The following CCDC85A variants were observed in gnomAD, a reference collection of about 807,000 sequenced individuals.
CCDC85A encodes coiled-coil domain containing 85A, also known as coiled-coil domain-containing protein 85A.
A neutral mutation model predicts 50.2 loss-of-function variants in CCDC85A; 38 were observed. That is an observed-to-expected ratio of 0.76 (90% CI 0.58 to 0.99). The LOEUF (loss-of-function observed/expected upper bound fraction) is 0.99. Ranked by LOEUF, CCDC85A falls within the 50% of genes least tolerant of loss-of-function variation. The pLI, the probability that CCDC85A is intolerant of heterozygous loss-of-function variation, is 0.00. For missense variants in CCDC85A, 820 were observed against 742.0 expected, an observed-to-expected ratio of 1.11 and a Z score of -1.22; for synonymous variants, 366 against 301.4, an observed-to-expected ratio of 1.21 and a Z score of -2.22.
At chr2:56,247,335 A>T (rs74427076) in intron 2 of CCDC85A, among the ~76,000 whole-genome samples, 3,975 of 152,290 alleles carry the variant, frequency 0.026, 65 homozygotes, top group Non-Finnish European at 0.038. Flanking sequence ...ACTTATCTAG[A>T]TTGCAGACAT....
At chr2:56,252,555 T>C (rs1209527847) in intron 2 of CCDC85A, among the ~76,000 whole-genome samples, 1 of 152,138 alleles carries the variant, frequency 6.6e-6, no homozygotes, top group Non-Finnish European at 1.5e-5. Context: ...TTTTTAGGTT[T>C]ATTATACTTT....
At chr2:56,242,842 C>G (rs999402137) in intron 2 of CCDC85A, among the ~76,000 whole-genome samples, 6 of 151,990 alleles carry the variant, frequency 3.9e-5, no homozygotes, top group Non-Finnish European at 8.8e-5. Context: ...TTTTGCCAGT[C>G]CAGTGGCCTG....
At chr2:56,229,800 A>G (rs77100434) in intron 2 of CCDC85A, among the ~76,000 whole-genome samples, 15,709 of 152,220 alleles carry the variant, frequency 0.1, 943 homozygotes, top group South Asian at 0.14. Flanking sequence ...CAAATTAGTC[A>G]GAAAGAGCCT....
At chr2:56,280,683 G>T (rs1260313267) in intron 2 of CCDC85A, among the ~76,000 whole-genome samples, 2 of 152,166 alleles carry the variant, frequency 1.3e-5, no homozygotes, top group African/African-American at 4.8e-5. Flanking sequence ...TTGTTATTTA[G>T]TGTTAGAGAG....
chr2:56,259,324 A>G (rs1573118091), intron 2 of CCDC85A, among the ~76,000 whole-genome samples: 1 of 152,260 alleles, frequency 6.6e-6, no homozygotes, highest in South Asian at 2.1e-4. Context: ...TCAGATGGCA[A>G]AGAGCAGAGG....
At chr2:56,378,370 T>A (rs1244691537) in intron 5 of CCDC85A, among the ~76,000 whole-genome samples, 1 of 152,214 alleles carries the variant, frequency 6.6e-6, no homozygotes, top group African/African-American at 2.4e-5. Flanking sequence ...TCTTCTTGTT[T>A]TAAAATTTAT....
chr2:56,213,484 G>A (rs73940632), intron 2 of CCDC85A, among the ~76,000 whole-genome samples: 6 of 152,056 alleles, frequency 3.9e-5, no homozygotes, highest in Admixed American at 1.3e-4. Context: ...CTTGGAGCAG[G>A]TTCTTTACCA....
intron 2 of CCDC85A, among the ~76,000 whole-genome samples, chr2:56,324,293 T>C (rs1573259423): frequency 6.6e-6 from 1 of 152,044 alleles, no homozygotes; most frequent in East Asian, 1.9e-4. Flanking sequence ...TAGCAGACCC[T>C]CCATTTCTTG....
chr2:56,234,368 G>T (rs1668907640), intron 2 of CCDC85A, among the ~76,000 whole-genome samples: 1 of 152,136 alleles, frequency 6.6e-6, no homozygotes. Flanking sequence ...TCTTAGCATG[G>T]TGCCTTGTCC....
intron 2 of CCDC85A, among the ~76,000 whole-genome samples, chr2:56,327,145 A>T (rs144701159): frequency 2.6e-5 from 4 of 152,328 alleles, no homozygotes; most frequent in African/African-American, 9.6e-5. Flanking sequence ...AAGAATTGCA[A>T]CGTAATATAC....
chr2:56,271,632 C>T (rs1670702871), intron 2 of CCDC85A, among the ~76,000 whole-genome samples: 1 of 152,136 alleles, frequency 6.6e-6, no homozygotes, highest in African/African-American at 2.4e-5. Context: ...TTCTCCTGAT[C>T]CATCATTATA....
intron 2 of CCDC85A, among the ~76,000 whole-genome samples, chr2:56,313,152 T>G (rs529545318): frequency 6.6e-6 from 1 of 152,290 alleles, no homozygotes; most frequent in South Asian, 2.1e-4. Context: ...GCTGTTACTC[T>G]TTGTACAATC....
chr2:56,359,664 G>A (rs1675426744), intron 3 of CCDC85A, among the ~76,000 whole-genome samples: 1 of 152,180 alleles, frequency 6.6e-6, no homozygotes. Context: ...TGGCTAAGGA[G>A]GAGTCAGAAA....
chr2:56,306,220 C>G (rs1436349977), intron 2 of CCDC85A, among the ~76,000 whole-genome samples: 6 of 152,034 alleles, frequency 3.9e-5, no homozygotes, highest in Non-Finnish European at 8.8e-5. Flanking sequence ...ACCTCCGCCT[C>G]CCGGGTTCAA....
At chr2:56,373,937 G>A (rs1676206830) in intron 4 of CCDC85A, among the ~76,000 whole-genome samples, 1 of 152,190 alleles carries the variant, frequency 6.6e-6, no homozygotes, top group African/African-American at 2.4e-5. Flanking sequence ...AGAGGAAGAA[G>A]ATGTCCAAAA....
At chr2:56,223,018 G>GT (rs1668393414) in intron 2 of CCDC85A, among the ~76,000 whole-genome samples, 1 of 152,034 alleles carries the variant, frequency 6.6e-6, no homozygotes, top group Non-Finnish European at 1.5e-5. Context: ...CTACCTACGC[G>GT]TAAGTGCCAA....
At chr2:56,289,404 G>T (rs1416372577) in intron 2 of CCDC85A, among the ~76,000 whole-genome samples, 1 of 152,170 alleles carries the variant, frequency 6.6e-6, no homozygotes, top group African/African-American at 2.4e-5. Flanking sequence ...CCCAGGTTGG[G>T]TTGAAGAGGA....
intron 2 of CCDC85A, among the ~76,000 whole-genome samples, chr2:56,203,742 G>T (rs1676842270): frequency 6.6e-6 from 1 of 151,974 alleles, no homozygotes; most frequent in South Asian, 2.1e-4. Flanking sequence ...TGGCATCTAA[G>T]CTTTATTTAC....
In CCDC85A at chr2:56,241,777, C is replaced by T. The variant is rs543437161; in HGVS notation, c.1240+48337C>T. On this transcript the variant is annotated intron_variant, in intron 2 of 5. Coordinates refer to ENST00000407595, the MANE Select transcript of CCDC85A (RefSeq NM_001080433.2). ...AAAATCTTGGCTAGTGTGAATAGTA[C>T]TGCATTAAACATGGGAGTGCAGATA... Among the ~76,000 whole-genome samples the T allele has an allele frequency of 1.6e-4, 25 of 152,298 alleles. No homozygotes were observed. The South Asian group carries it at 2.9e-3, about 18-fold the overall frequency.
Sources: gnomAD v4.1 joint callset for allele counts (sites outside exome capture counted in the v4.1 genomes callset) on GRCh38, gnomAD v4.1.1 for gene constraint, MANE v1.5 for transcripts, NCBI Gene and HGNC (gene_info 2026-07-23, HGNC 2026-07-21) for gene names.